The following PTPRQ variants were observed in gnomAD, a reference collection of about 807,000 sequenced individuals.
PTPRQ encodes the protein phosphatidylinositol phosphatase PTPRQ.
A neutral mutation model predicts 246.0 loss-of-function variants in PTPRQ; 199 were observed. The observed-to-expected ratio is 0.81, with a 90% CI of 0.72 to 0.91. PTPRQ has a LOEUF of 0.91. Among genes scored for constraint, PTPRQ ranks in the 40% least tolerant of loss-of-function variants. The pLI, the probability that PTPRQ is intolerant of heterozygous loss-of-function variation, is 0.00. For synonymous variants in PTPRQ, 869 were observed against 853.2 expected (o/e 1.02, Z -0.32); for missense variants, 2,624 against 2,528.4 (o/e 1.04, Z -0.81).
chr12:80,634,938 G>A lies in PTPRQ; in HGVS notation c.5787-7G>A. On this transcript the variant is annotated splice_polypyrimidine_tract_variant and splice_region_variant and intron_variant, in intron 34 of 44. Coordinates refer to ENST00000644991, the MANE Select transcript of PTPRQ (RefSeq NM_001145026.2). The stretch of plus-strand genomic sequence containing the variant: ...TCCCTTCTTGGACTTTACTCCGCTT[G>A]TTTTAGAATTCGACAGAAGCAGAAA... 1 of 1,549,838 alleles carries A rather than the reference G, an allele frequency of 6.5e-7. No homozygotes were observed. Among genetic ancestry groups the A allele is most frequent in the South Asian group, 1.2e-5 (1 of 83,672 alleles).
Position 80,588,414 on chromosome 12 carries a change from A to G in PTPRQ, c.4571A>G (p.Asn1524Ser), listed in dbSNP as rs1427552432. The G allele has an allele frequency of 5.3e-6, 8 of 1,507,502 alleles. No individual in the cohort carries two copies. In the Admixed American group the frequency reaches 6.7e-5, roughly 13 times the overall value. The allele number at this position is 1,507,502 out of a possible 1,614,324, so 93.4% of individuals were successfully genotyped here. A position where few individuals can be genotyped will look rare whatever the true frequency, so the allele number is the denominator to read the frequency against. ...GCCAGCACCAATGCTGGCTATGGCA[A>G]TGCTTCAAACTGGATTTCTACAAAA... The part of the protein sequence containing the change: ...VAASTNAGYG[N>S]ASNWISTKTL... Residue 1524 changes from asparagine to serine, a missense_variant, in exon 26 of 45, where the codon AAT becomes AGT. By Grantham distance (46) the Asn-to-Ser change is conservative. Coordinates refer to ENST00000644991, the MANE Select transcript of PTPRQ (RefSeq NM_001145026.2).
At chr12:80,633,656 A>AGG (rs1899527429) in intron 34 of PTPRQ, among the ~76,000 whole-genome samples, 1 of 152,246 alleles carries the variant, frequency 6.6e-6, no homozygotes, top group South Asian at 2.1e-4. Flanking sequence ...ATTTTAATAG[A>AGG]TAATTTGAAA....
chr12:80,464,115 A>T (rs1218078212), intron 6 of PTPRQ, among the ~76,000 whole-genome samples: 1 of 151,912 alleles, frequency 6.6e-6, no homozygotes, highest in Non-Finnish European at 1.5e-5. Flanking sequence ...TGTTGTATTC[A>T]GGAAACCCAT....
chr12:80,629,173 C>G (rs74111014), intron 33 of PTPRQ, among the ~76,000 whole-genome samples: 64,718 of 150,648 alleles, frequency 0.43, 16,107 homozygotes, highest in African/African-American at 0.71. Context: ...CACACACACA[C>G]AGAGAGAGAG....
At chr12:80,493,130 A>G in intron 9 of PTPRQ, 145 bp from the exon 10 acceptor site, 1 of 890,306 alleles carries the variant, frequency 1.1e-6, no homozygotes, top group South Asian at 4.0e-5. Flanking sequence ...AAATTTTGGA[A>G]TCTAAAGAAG....
At chr12:80,632,170 T>C (rs967827698) in intron 33 of PTPRQ, 22 bp from the exon 34 acceptor site, 1 of 1,540,826 alleles carries the variant, frequency 6.5e-7, no homozygotes, top group Non-Finnish European at 8.7e-7. Flanking sequence ...TATTTAATGA[T>C]CCTGTTATCC....
chr12:80,560,015 A>G (rs149571953), intron 25 of PTPRQ, among the ~76,000 whole-genome samples: 3 of 152,236 alleles, frequency 2.0e-5, no homozygotes, highest in Non-Finnish European at 2.9e-5. Context: ...AAGCAGCCAC[A>G]TGTGGACACC....
At chr12:80,526,004 C>T (rs1275120031) in intron 17 of PTPRQ, 2 of 152,098 alleles carry the variant, frequency 1.3e-5, no homozygotes, top group African/African-American at 2.4e-5. Context: ...GTATTCTAAA[C>T]AATTTTTAAG....
chr12:80,555,430 A>G (rs2120894894), intron 25 of PTPRQ, among the ~76,000 whole-genome samples: 1 of 152,298 alleles, frequency 6.6e-6, no homozygotes, highest in Non-Finnish European at 1.5e-5. Flanking sequence ...CATTTAATAG[A>G]TTGAATGTGG....
intron 10 of PTPRQ, 139 bp from the exon 11 acceptor site, chr12:80,494,794 A>G (rs778157177): frequency 1.1e-5 from 8 of 751,642 alleles, no homozygotes; most frequent in Non-Finnish European, 1.6e-5. Flanking sequence ...TTACACACCT[A>G]ACTTTAATAG....
chr12:80,477,128 A>G (rs1270692410), intron 8 of PTPRQ, among the ~76,000 whole-genome samples: 1 of 152,168 alleles, frequency 6.6e-6, no homozygotes, highest in Non-Finnish European at 1.5e-5. Flanking sequence ...TTTATTTTAA[A>G]CCAATTGTTA....
rs1565836981 is a variant in PTPRQ, at chr12:80,642,934, A to AC, written c.5916-5963_5916-5962insC. On this transcript the variant is annotated intron_variant, in intron 35 of 44. Transcript: ENST00000644991. ...GACTCCGTCTTAAAAAAAAAAAAAA[A>AC]AAAAAAAAAAAACAATTGAGTATCT... Among the ~76,000 whole-genome samples the AC allele has an allele frequency of 1.5e-4, 23 of 149,240 alleles. No individual in the cohort carries two copies. In the East Asian group the frequency reaches 2.1e-3, roughly 14 times the overall value.
intron 8 of PTPRQ, among the ~76,000 whole-genome samples, chr12:80,475,963 G>A (rs762944586): frequency 1.1e-4 from 17 of 151,592 alleles, no homozygotes; most frequent in East Asian, 3.9e-4. Flanking sequence ...AGTGTGTTGC[G>A]TTGACTTGAA....
chr12:80,546,815 C>A, intron 24 of PTPRQ, 118 bp downstream of exon 24: 1 of 1,219,528 alleles, frequency 8.2e-7, no homozygotes, highest in Non-Finnish European at 1.1e-6. Context: ...AGGGAAATTG[C>A]ATTTCAGTGC....
chr12:80,628,336 G>T (rs12318205), intron 33 of PTPRQ, among the ~76,000 whole-genome samples: 23 of 152,202 alleles, frequency 1.5e-4, no homozygotes, highest in Admixed American at 8.5e-4. Flanking sequence ...CCACCATGCA[G>T]GATAGCCACA....
intron 43 of PTPRQ, among the ~76,000 whole-genome samples, chr12:80,674,187 A>G (rs1696734767): frequency 6.6e-6 from 1 of 152,142 alleles, no homozygotes; most frequent in South Asian, 2.1e-4. Context: ...TGTATGTTAC[A>G]CAAATAGAGA....
At chr12:80,584,532 T>C (rs1273735463) in intron 25 of PTPRQ, among the ~76,000 whole-genome samples, 2 of 152,304 alleles carry the variant, frequency 1.3e-5, no homozygotes, top group Non-Finnish European at 1.5e-5. Flanking sequence ...AGCTTTCAAT[T>C]GCCTGACAAG....
At chr12:80,509,622 T>C (rs1331582913) in intron 16 of PTPRQ, among the ~76,000 whole-genome samples, 1 of 152,112 alleles carries the variant, frequency 6.6e-6, no homozygotes, top group African/African-American at 2.4e-5. Flanking sequence ...AAATATAAAG[T>C]TGGCTGACTA....
In PTPRQ at chr12:80,635,051, C is replaced by CT; in HGVS notation, c.5894dup (p.Lys1966GlufsTer10). 6.4e-7 allele frequency: 1 copy of CT among 1,551,094 alleles called. No homozygotes were observed. The stretch of plus-strand genomic sequence containing the variant: ...GCTCATCACAGTGGCAGACCTGGAA[C>CT]TGAAGGACGAGAGATTAACGCGGTG... On this transcript the variant is annotated frameshift_variant, in exon 35 of 45. Transcript: ENST00000644991. LOFTEE classifies it high-confidence loss of function.
Sources: allele counts gnomAD v4.1 joint callset (sites outside exome capture counted in the v4.1 genomes callset), GRCh38; gene constraint gnomAD v4.1.1; transcripts MANE v1.5; gene names NCBI Gene and HGNC (gene_info 2026-07-23, HGNC 2026-07-21).